AR: variants seen among roughly 807,000 people sequenced by gnomAD.
The protein encoded by AR is dihydrotestosterone receptor.
A neutral mutation model predicts 53.9 loss-of-function variants in AR; 8 were observed. The ratio of observed to expected loss-of-function variants is 0.15; its 90% CI spans 0.09 to 0.27. The LOEUF (loss-of-function observed/expected upper bound fraction) is 0.27. Ranked by LOEUF, AR falls within the 10% of genes least tolerant of loss-of-function variation. The pLI is 1.00. For synonymous variants in AR, 359 were observed against 316.4 expected (o/e 1.13, Z -1.43); for missense variants, 639 against 742.5 (o/e 0.86, Z 1.62).
At chrX:67,643,888 A>C (rs1195122382) in intron 2 of AR, among the ~76,000 whole-genome samples, 1 of 111,570 alleles carries the variant, frequency 9.0e-6, no homozygotes, top group Non-Finnish European at 1.9e-5. Context: ...TCAGCAGACT[A>C]TCAGTCTCTG....
chrX:67,714,328 T>C (rs2076104501), intron 4 of AR, among the ~76,000 whole-genome samples: 1 of 112,103 alleles, frequency 8.9e-6, no homozygotes, highest in Non-Finnish European at 1.9e-5. Flanking sequence ...GAGCACCTAG[T>C]AACGTAGCCT....
chrX:67,670,979 C>A (rs1402978507), intron 2 of AR, among the ~76,000 whole-genome samples: 3 of 111,805 alleles, frequency 2.7e-5, no homozygotes, highest in Non-Finnish European at 3.8e-5. Context: ...ATATGTGCCA[C>A]GTTTTCTTTA....
At chrX:67,694,802 G>A (rs986638791) in intron 3 of AR, 15 of 1,118,915 alleles carry the variant, frequency 1.3e-5, no homozygotes, top group African/African-American at 3.7e-5. Flanking sequence ...GGCGTCTGAG[G>A]CTTAGGAGCT....
At chrX:67,648,537 C>T (rs954872183) in intron 2 of AR, among the ~76,000 whole-genome samples, 1 of 111,431 alleles carries the variant, frequency 9.0e-6, no homozygotes, top group Non-Finnish European at 1.9e-5. Context: ...CACTCACCGG[C>T]TTAATTCTGG....
intron 3 of AR, among the ~76,000 whole-genome samples, chrX:67,698,158 A>G (rs1272373981): frequency 8.9e-6 from 1 of 112,201 alleles, no homozygotes; most frequent in Non-Finnish European, 1.9e-5. Context: ...CTTTATACAT[A>G]TGTAAGGAAA....
chrX:67,603,921 A>T (rs1923497414), intron 1 of AR, among the ~76,000 whole-genome samples: 1 of 110,897 alleles, frequency 9.0e-6, no homozygotes, highest in Non-Finnish European at 1.9e-5. Flanking sequence ...ATAGAGATAA[A>T]ATTGGCATGG....
intron 2 of AR, among the ~76,000 whole-genome samples, chrX:67,667,155 T>C (rs1162126188): frequency 8.9e-6 from 1 of 111,902 alleles, no homozygotes; most frequent in Non-Finnish European, 1.9e-5. Flanking sequence ...CTGGAGAGTT[T>C]CCCCAATGTT....
chrX:67,618,078 C>G (rs1924202346), intron 1 of AR, among the ~76,000 whole-genome samples: 1 of 112,005 alleles, frequency 8.9e-6, no homozygotes, highest in African/African-American at 3.2e-5. Context: ...AACTATGAAA[C>G]ATTTTCCTTC....
chrX:67,600,355 C>T (rs1235749772), intron 1 of AR, among the ~76,000 whole-genome samples: 3 of 110,616 alleles, frequency 2.7e-5, no homozygotes, highest in South Asian at 3.9e-4. Flanking sequence ...GAGTACTATT[C>T]GTCATAAAAA....
At chrX:67,716,274 G>A (rs761702306) in intron 4 of AR, among the ~76,000 whole-genome samples, 1 of 111,932 alleles carries the variant, frequency 8.9e-6, no homozygotes, top group Non-Finnish European at 1.9e-5. Flanking sequence ...TGTAATGACT[G>A]CTATAATTGG....
At chrX:67,711,756 A>C in intron 4 of AR, 67 bp downstream of exon 4, 1 of 1,075,320 alleles carries the variant, frequency 9.3e-7, no homozygotes, top group Non-Finnish European at 1.2e-6. Flanking sequence ...CCTATGGACC[A>C]GCCACCATGT....
intron 2 of AR, among the ~76,000 whole-genome samples, chrX:67,663,711 A>G (rs1055401051): frequency 2.7e-5 from 3 of 112,210 alleles, no homozygotes; most frequent in African/African-American, 9.7e-5. Context: ...ATAATATCCT[A>G]CAGAGTGTTT....
chrX:67,707,333 T>C (rs11497352), intron 3 of AR, among the ~76,000 whole-genome samples: 1,388 of 112,195 alleles, frequency 0.012, 10 homozygotes, highest in Non-Finnish European at 0.02. Flanking sequence ...CCTGTATTGG[T>C]GCATATATAT....
rs1461312500 is a variant in AR, at chrX:67,725,369, A to G, written c.*1528A>G. 1 of 175,837 alleles carries G rather than the reference A, an allele frequency of 5.7e-6. No individual in the cohort carries two copies. The highest frequency in any genetic ancestry group is 1.1e-5 in the Non-Finnish European group (1 of 91,704). 14.5% of individuals were successfully genotyped at this position (175,837 alleles called of 1,213,427 possible). On this transcript the variant is annotated 3_prime_UTR_variant, in exon 8 of 8. Transcript: ENST00000374690. ...GGCGTCTTGCCCTTGTCCCCCAGAG[A>G]TGATACCCTCCCAGCAAGTGGAGAA...
chrX:67,675,295 C>T (rs949866417), intron 2 of AR, among the ~76,000 whole-genome samples: 5 of 109,811 alleles, frequency 4.6e-5, no homozygotes, highest in African/African-American at 1.3e-4. Flanking sequence ...CTCTTGGTCA[C>T]CCCAGCTGGT....
intron 2 of AR, among the ~76,000 whole-genome samples, chrX:67,660,981 A>G (rs1027446607): frequency 6.3e-5 from 7 of 111,573 alleles, no homozygotes; most frequent in Admixed American, 9.6e-5. Context: ...AAGCAATTGC[A>G]AATGGGAGTT....
intron 1 of AR, among the ~76,000 whole-genome samples, chrX:67,581,764 T>C (rs1479481986): frequency 9.0e-6 from 1 of 111,570 alleles, no homozygotes; most frequent in Non-Finnish European, 1.9e-5. Flanking sequence ...CTAGATTGGA[T>C]GGAAGGTATG....
At chrX:67,624,485 T>C (rs1924524993) in intron 1 of AR, among the ~76,000 whole-genome samples, 1 of 111,372 alleles carries the variant, frequency 9.0e-6, no homozygotes, top group Non-Finnish European at 1.9e-5. Context: ...ATTTCAAAAC[T>C]TGGAAGAGGC....
chrX:67,567,571 G>T (rs770603421), intron 1 of AR, among the ~76,000 whole-genome samples: 1 of 111,284 alleles, frequency 9.0e-6, no homozygotes, highest in African/African-American at 3.3e-5. Flanking sequence ...CTGGACTGAG[G>T]TAGGAGGAGA....
Sources: allele counts gnomAD v4.1 joint callset (sites outside exome capture counted in the v4.1 genomes callset), GRCh38; gene constraint gnomAD v4.1.1; transcripts MANE v1.5; gene names NCBI Gene and HGNC (gene_info 2026-07-23, HGNC 2026-07-21).